LRRC49: variants seen among roughly 807,000 people sequenced by gnomAD.
LRRC49 encodes leucine-rich repeat-containing protein 49.
Under a neutral mutation model 83.3 loss-of-function variants are expected in LRRC49, and 50 were observed. The ratio of observed to expected loss-of-function variants is 0.60; its 90% CI spans 0.48 to 0.76. The LOEUF (loss-of-function observed/expected upper bound fraction) is 0.76, where lower values mean the gene tolerates loss of function less well. Among genes scored for constraint, LRRC49 ranks in the 30% least tolerant of loss-of-function variants. LRRC49 has a pLI of 0.00. For synonymous variants in LRRC49, 286 were observed against 283.3 expected (o/e 1.01, Z -0.10); for missense variants, 704 against 809.1 (o/e 0.87, Z 1.58).
chr15:70,926,561 A>C (rs2035206636), intron 7 of LRRC49, among the ~76,000 whole-genome samples: 1 of 152,040 alleles, frequency 6.6e-6, no homozygotes, highest in Non-Finnish European at 1.5e-5. Flanking sequence ...GTACATGTGC[A>C]CAACGTGTAG....
intron 7 of LRRC49, among the ~76,000 whole-genome samples, chr15:70,920,857 C>A (rs1028321592): frequency 6.6e-6 from 1 of 152,096 alleles, no homozygotes; most frequent in Non-Finnish European, 1.5e-5. Context: ...AATATATGGA[C>A]AAATAAACTT....
At chr15:70,911,062 A>G (rs906064208) in intron 5 of LRRC49, among the ~76,000 whole-genome samples, 8 of 152,174 alleles carry the variant, frequency 5.3e-5, no homozygotes, top group African/African-American at 1.9e-4. Context: ...TTAGGGGAGT[A>G]GGAACAGCAA....
At chr15:70,983,190 A>G (rs1292212620) in intron 10 of LRRC49, among the ~76,000 whole-genome samples, 1 of 152,132 alleles carries the variant, frequency 6.6e-6, no homozygotes. Context: ...TTCTATTAAT[A>G]TATATAAATT....
chr15:70,883,096 T>C (rs1211108907), intron 2 of LRRC49, among the ~76,000 whole-genome samples: 1 of 152,242 alleles, frequency 6.6e-6, no homozygotes, highest in African/African-American at 2.4e-5. Context: ...ATTGTCTTTT[T>C]TCCACTTATA....
intron 11 of LRRC49, among the ~76,000 whole-genome samples, chr15:70,998,760 A>C (rs2038159525): frequency 1.0e-5 from 1 of 95,880 alleles, no homozygotes; most frequent in Non-Finnish European, 2.3e-5. Flanking sequence ...GTTTTTTCAA[A>C]TATTCTTTCT....
intron 2 of LRRC49, among the ~76,000 whole-genome samples, chr15:70,880,687 A>G (rs1415732642): frequency 6.6e-6 from 1 of 152,232 alleles, no homozygotes; most frequent in East Asian, 1.9e-4. Flanking sequence ...TCAAGTATAA[A>G]TACTCAATTG....
At chr15:70,945,015 T>C (rs1567063708) in intron 8 of LRRC49, among the ~76,000 whole-genome samples, 1 of 152,232 alleles carries the variant, frequency 6.6e-6, no homozygotes, top group African/African-American at 2.4e-5. Context: ...TGTGGAATTA[T>C]ACCCTGTGTA....
upstream of LRRC49, chr15:70,892,415 T>C (rs976021500): frequency 6.5e-7 from 1 of 1,539,182 alleles, no homozygotes; most frequent in Non-Finnish European, 8.7e-7. Flanking sequence ...CTACCTCTGG[T>C]CACCGGAAGT....
intron 14 of LRRC49, among the ~76,000 whole-genome samples, chr15:71,025,817 A>C (rs1254460264): frequency 6.6e-6 from 1 of 152,020 alleles, no homozygotes; most frequent in African/African-American, 2.4e-5. Flanking sequence ...TGGATCAAGG[A>C]GAGCTAACTA....
intron 5 of LRRC49, among the ~76,000 whole-genome samples, chr15:70,909,839 A>AACACACACACACACAC (rs146189261): frequency 0.02 from 2,686 of 136,060 alleles, 33 homozygotes; most frequent in Admixed American, 0.032. Context: ...CTCCATCTCA[A>AACACACACACACACAC]ACACACACAC....
At chr15:70,891,682 A>G (rs1040174691), upstream of LRRC49, among the ~76,000 whole-genome samples, 1 of 151,754 alleles carries the variant, frequency 6.6e-6, no homozygotes, top group Non-Finnish European at 1.5e-5. Context: ...AGTGTTAATG[A>G]TAAGTGGGAC....
chr15:70,981,496 TA>T (rs568061143), intron 10 of LRRC49, among the ~76,000 whole-genome samples: 43 of 144,462 alleles, frequency 3.0e-4, no homozygotes, highest in Non-Finnish European at 2.9e-4. Flanking sequence ...AAGTATAATT[TA>T]AAAAAAAAAA....
chr15:70,884,543 GA>G (rs1346347850), intron 2 of LRRC49, among the ~76,000 whole-genome samples: 66 of 135,736 alleles, frequency 4.9e-4, no homozygotes, highest in South Asian at 1.2e-3. Context: ...TATACACACA[GA>G]AAAAAAAAAA....
Position 71,052,801 on chromosome 15 carries a change from G to A in LRRC49, c.*3189G>A. On this transcript the variant is annotated 3_prime_UTR_variant, in exon 16 of 16. Coordinates refer to ENST00000260382, the MANE Select transcript of LRRC49 (RefSeq NM_017691.5). Reference sequence around the variant, plus strand: ...AGGGTATTTCAACCAATAAATAGTAGACAGTACCCACATTCACTGTTAGTC... The same window carrying A: ...AGGGTATTTCAACCAATAAATAGTAAACAGTACCCACATTCACTGTTAGTC... 1 of 152,124 alleles carries A rather than the reference G, an allele frequency of 6.6e-6. No individual in the cohort carries two copies. The highest frequency in any genetic ancestry group is 1.5e-5 in the Non-Finnish European group (1 of 68,036). 9.4% of individuals were successfully genotyped at this position (152,124 alleles called of 1,614,324 possible).
At chr15:70,957,844 G>A (rs1000926601) in intron 8 of LRRC49, among the ~76,000 whole-genome samples, 2 of 152,076 alleles carry the variant, frequency 1.3e-5, no homozygotes, top group Non-Finnish European at 2.9e-5. Flanking sequence ...ACATAACAGT[G>A]TTCCAGGAAA....
At position 70,946,198 on chromosome 15, in the gene LRRC49, C is replaced by T. The variant is rs1054544105; in HGVS notation, c.773+9376C>T. Among the ~76,000 whole-genome samples the T allele has an allele frequency of 1.8e-4, 27 of 152,244 alleles. 2 individuals carry two copies. The highest frequency in any genetic ancestry group is 5.9e-4 in the Admixed American group (9 of 15,290). On this transcript the variant is annotated intron_variant, in intron 8 of 15. Coordinates refer to ENST00000260382, the MANE Select transcript of LRRC49 (RefSeq NM_017691.5). ...TAATCACCATGTTGAACTAATTCCT[C>T]CTGTCTAACTGAAATTTTGTATCCT...
chr15:70,862,791 A>G (rs2032824925), intron 1 of LRRC49, among the ~76,000 whole-genome samples: 1 of 152,142 alleles, frequency 6.6e-6, no homozygotes, highest in African/African-American at 2.4e-5. Flanking sequence ...CTAGTGGTTC[A>G]TCTGATCTCC....
chr15:71,049,371 T>G (rs1237768746), intron 15 of LRRC49, 38 bp from the exon 16 acceptor site: 1 of 1,364,602 alleles, frequency 7.3e-7, no homozygotes, highest in Non-Finnish European at 1.0e-6. Flanking sequence ...TTTGGATTAG[T>G]TATGATTTAA....
intron 15 of LRRC49, among the ~76,000 whole-genome samples, chr15:71,048,037 A>G (rs2039905245): frequency 6.6e-6 from 1 of 151,238 alleles, no homozygotes; most frequent in Non-Finnish European, 1.5e-5. Flanking sequence ...TGGCCTCCCA[A>G]AGTGCTGGGA....
Sources: allele counts gnomAD v4.1 joint callset (sites outside exome capture counted in the v4.1 genomes callset), GRCh38; gene constraint gnomAD v4.1.1; transcripts MANE v1.5; gene names NCBI Gene and HGNC (gene_info 2026-07-23, HGNC 2026-07-21).